The following FABP6 variants were observed in gnomAD, a reference collection of about 807,000 sequenced individuals.
FABP6 encodes the protein gastrotropin.
Under a neutral mutation model 14.9 loss-of-function variants are expected in FABP6, and 13 were observed. That is an observed-to-expected ratio of 0.87 (90% CI 0.57 to 1.39). The LOEUF (loss-of-function observed/expected upper bound fraction) is 1.39, where lower values mean the gene tolerates loss of function less well. Ranked by LOEUF, FABP6 falls within the 40% of genes most tolerant of loss-of-function variation. The pLI, the probability that FABP6 is intolerant of heterozygous loss-of-function variation, is 0.00. For missense variants in FABP6, 161 were observed against 167.2 expected, an observed-to-expected ratio of 0.96 and a Z score of 0.20; for synonymous variants, 75 against 63.6, an observed-to-expected ratio of 1.18 and a Z score of -0.85.
At position 160,232,210 on chromosome 5, in the gene FABP6, G is replaced by C. The variant is rs149941613; in HGVS notation, c.180G>C (p.Met60Ile). ...AGCACTACTCCGGGGGCCACACCAT[G>C]ACCAACAAGTTCACTGTTGGCAAGG... The part of the protein sequence containing the change: ...WSQHYSGGHT[M>I]TNKFTVGKES... Residue 60 changes from methionine to isoleucine, a missense_variant, in exon 2 of 4, where the codon ATG (methionine) becomes ATC (isoleucine). Physicochemically the swap from Met to Ile is conservative, Grantham distance 10. Transcript: ENST00000402432. 1,665 of 1,613,190 alleles carry C rather than the reference G, an allele frequency of 1.0e-3. 3 individuals carry two copies. The highest frequency in any genetic ancestry group is 1.3e-3 in the Non-Finnish European group (1,578 of 1,179,688).
intron 3 of FABP6, among the ~76,000 whole-genome samples, chr5:160,219,056 G>T (rs1324911801): frequency 6.6e-6 from 1 of 152,196 alleles, no homozygotes; most frequent in African/African-American, 2.4e-5. Flanking sequence ...AGAGGCTCCA[G>T]TTAGCTCTGA....
intron 1 of FABP6, among the ~76,000 whole-genome samples, chr5:160,195,191 C>T (rs549353976): frequency 4.8e-4 from 68 of 142,098 alleles, no homozygotes; most frequent in East Asian, 1.3e-3. Flanking sequence ...AGGCTGAGGC[C>T]GGAGAATTGC....
chr5:160,204,132 C>T (rs565032970), intron 2 of FABP6, among the ~76,000 whole-genome samples: 39 of 129,092 alleles, frequency 3.0e-4, no homozygotes, highest in African/African-American at 1.2e-3. Context: ...GAGTGAGACT[C>T]CATCTCAAAA....
upstream of FABP6, among the ~76,000 whole-genome samples, chr5:160,227,367 T>C (rs984782897): frequency 3.3e-5 from 5 of 151,868 alleles, no homozygotes; most frequent in Non-Finnish European, 1.5e-5. Flanking sequence ...AAACCTTGTC[T>C]CTACTAAAAA....
intron 1 of FABP6, among the ~76,000 whole-genome samples, chr5:160,188,173 G>A (rs1034471974): frequency 2.0e-5 from 3 of 152,086 alleles, no homozygotes; most frequent in Non-Finnish European, 4.4e-5. Flanking sequence ...ATTCCAGAGG[G>A]GCGGGAAGCC....
intron 1 of FABP6, among the ~76,000 whole-genome samples, chr5:160,193,467 C>A (rs1377177965): frequency 1.3e-5 from 2 of 152,130 alleles, no homozygotes; most frequent in Non-Finnish European, 2.9e-5. Context: ...CTCAGGCAGC[C>A]TGCTTTTATT....
In FABP6 at chr5:160,234,912, G is replaced by C; in HGVS notation, c.333+3G>C. 2 of 1,609,814 alleles carry C rather than the reference G, an allele frequency of 1.2e-6. No individual in the cohort carries two copies. The highest frequency in any genetic ancestry group is 1.7e-6 in the Non-Finnish European group (2 of 1,177,742). On this transcript the variant is annotated splice_donor_region_variant and intron_variant, in intron 3 of 3. Transcript: ENST00000402432. Reference sequence around the variant, plus strand: ...TCGTGGGTGACAAGCTGGTGGAGGTGAGTGTCATGCTGATTCCTGGGATGA... The same window carrying C: ...TCGTGGGTGACAAGCTGGTGGAGGTCAGTGTCATGCTGATTCCTGGGATGA...
intron 1 of FABP6, among the ~76,000 whole-genome samples, chr5:160,231,719 A>G (rs1248689021): frequency 6.6e-6 from 1 of 152,098 alleles, no homozygotes; most frequent in Non-Finnish European, 1.5e-5. Context: ...TCATTCCAGA[A>G]CTTCGCGAGC....
intron 3 of FABP6, among the ~76,000 whole-genome samples, chr5:160,222,840 T>C (rs1294948397): frequency 6.6e-6 from 1 of 152,158 alleles, no homozygotes; most frequent in Admixed American, 6.6e-5. Context: ...TGACAAAACA[T>C]TGTATGAGTT....
intron 2 of FABP6, among the ~76,000 whole-genome samples, chr5:160,233,110 T>G (rs894878281): frequency 1.3e-5 from 2 of 150,638 alleles, no homozygotes; most frequent in Admixed American, 6.6e-5. Context: ...GCCTCCTGAG[T>G]AGCTGGGATT....
chr5:160,235,316 C>T (rs1760485105), intron 3 of FABP6, among the ~76,000 whole-genome samples: 1 of 152,200 alleles, frequency 6.6e-6, no homozygotes, highest in African/African-American at 2.4e-5. Context: ...CATTCCTTTT[C>T]CATGAGGGAC....
At chr5:160,225,597 T>C (rs1760228020), upstream of FABP6, among the ~76,000 whole-genome samples, 1 of 151,458 alleles carries the variant, frequency 6.6e-6, no homozygotes, top group Admixed American at 6.6e-5. Context: ...AGAGATGGGT[T>C]TCACTGTTTA....
chr5:160,210,556 C>G (rs1294333016), intron 2 of FABP6, among the ~76,000 whole-genome samples: 3 of 152,180 alleles, frequency 2.0e-5, no homozygotes, highest in African/African-American at 7.2e-5. Context: ...GCAGCCTGCA[C>G]AGCTCTAACA....
rs564556789 is a variant in FABP6, at chr5:160,204,499, G to A, written c.51+5342G>A. On this transcript the variant is annotated intron_variant, in intron 2 of 6. Transcript: ENST00000393980. ...ATCCTATTTTCTTTTCCTTTTTTAGGGGGGGTGGGGATGGAGTTTCTCTCT... is the reference window on the plus strand; with the variant it reads ...ATCCTATTTTCTTTTCCTTTTTTAGAGGGGGTGGGGATGGAGTTTCTCTCT... 4.0e-4 allele frequency among the ~76,000 whole-genome samples: 61 copies of A among 151,720 alleles called. No individual in the cohort carries two copies. In the South Asian group the frequency reaches 0.011, roughly 28 times the overall value.
At chr5:160,194,972 T>G (rs1044548879) in intron 1 of FABP6, among the ~76,000 whole-genome samples, 7 of 152,332 alleles carry the variant, frequency 4.6e-5, no homozygotes, top group Admixed American at 3.9e-4. Flanking sequence ...ACAGAGTATT[T>G]CCTGGGAAGG....
chr5:160,212,972 A>G (rs1330112730), intron 2 of FABP6, among the ~76,000 whole-genome samples: 1 of 152,130 alleles, frequency 6.6e-6, no homozygotes, highest in Non-Finnish European at 1.5e-5. Flanking sequence ...TGGGAGGAGG[A>G]AAGATTTCAT....
chr5:160,214,827 CA>C (rs1759979810), intron 3 of FABP6, among the ~76,000 whole-genome samples: 1 of 151,950 alleles, frequency 6.6e-6, no homozygotes, highest in South Asian at 2.1e-4. Flanking sequence ...CCCATCAACT[CA>C]ACTCAAAAGT....
chr5:160,227,193 C>T (rs940789788), upstream of FABP6, among the ~76,000 whole-genome samples: 4 of 152,074 alleles, frequency 2.6e-5, no homozygotes, highest in African/African-American at 9.7e-5. Context: ...CAGGAGGTAA[C>T]AGAGCAATAT....
chr5:160,220,631 G>A (rs534882412), intron 3 of FABP6, among the ~76,000 whole-genome samples: 2 of 151,576 alleles, frequency 1.3e-5, no homozygotes, highest in South Asian at 2.1e-4. Flanking sequence ...AATAAATAAG[G>A]CTTTGCCTTA....
Sources: allele counts gnomAD v4.1 joint callset (sites outside exome capture counted in the v4.1 genomes callset), GRCh38; gene constraint gnomAD v4.1.1; transcripts MANE v1.5; gene names NCBI Gene and HGNC (gene_info 2026-07-23, HGNC 2026-07-21).